The following CDH9 variants were observed in gnomAD, a reference collection of about 807,000 sequenced individuals.
CDH9 encodes cadherin 9.
A neutral mutation model predicts 70.9 loss-of-function variants in CDH9; 28 were observed. That is an observed-to-expected ratio of 0.40 (90% confidence interval 0.29 to 0.54). CDH9 has a LOEUF of 0.54. Among genes scored for constraint, CDH9 ranks in the 20% least tolerant of loss-of-function variants. The probability of loss-of-function intolerance (pLI) is 0.59; values close to 1 mark genes in which losing one functional copy is unlikely to be tolerated. For synonymous variants in CDH9, 409 were observed against 343.1 expected (o/e 1.19, Z -2.12); for missense variants, 874 against 984.4 (o/e 0.89, Z 1.50).
chr5:26,919,810 T>G (rs571511139), intron 2 of CDH9, among the ~76,000 whole-genome samples: 2 of 152,054 alleles, frequency 1.3e-5, no homozygotes, highest in South Asian at 4.1e-4. Context: ...CTACTATCCT[T>G]AAGGGAAGAA....
chr5:26,996,260 A>C (rs1206710830), intron 1 of CDH9, among the ~76,000 whole-genome samples: 1 of 152,044 alleles, frequency 6.6e-6, no homozygotes, highest in Non-Finnish European at 1.5e-5. Flanking sequence ...AATGAACTTC[A>C]ACATACATTA....
At chr5:27,004,428 T>G (rs1422362471) in intron 1 of CDH9, among the ~76,000 whole-genome samples, 2 of 152,062 alleles carry the variant, frequency 1.3e-5, no homozygotes, top group African/African-American at 4.8e-5. Context: ...CTAAATCACA[T>G]AAGGATTTGT....
intron 2 of CDH9, among the ~76,000 whole-genome samples, chr5:26,925,553 A>G (rs1741322340): frequency 6.6e-6 from 1 of 152,100 alleles, no homozygotes; most frequent in Admixed American, 6.6e-5. Flanking sequence ...TTTTAGTTTA[A>G]TTAGATCCCA....
chr5:26,918,429 A>T (rs1741186058), intron 2 of CDH9, among the ~76,000 whole-genome samples: 1 of 152,232 alleles, frequency 6.6e-6, no homozygotes, highest in Admixed American at 6.5e-5. Context: ...AAACTGTAAA[A>T]TACATAAGGG....
At chr5:26,884,071 A>G (rs1434933258) in intron 11 of CDH9, among the ~76,000 whole-genome samples, 1 of 152,106 alleles carries the variant, frequency 6.6e-6, no homozygotes, top group African/African-American at 2.4e-5. Context: ...AATTTTAACT[A>G]CAATAATAAA....
At chr5:26,976,240 A>G (rs1363552297) in intron 2 of CDH9, among the ~76,000 whole-genome samples, 3 of 152,196 alleles carry the variant, frequency 2.0e-5, no homozygotes, top group African/African-American at 7.2e-5. Context: ...CTACCTTAAC[A>G]TAAACTCTAT....
chr5:26,890,216 C>T (rs1367746013), intron 8 of CDH9, among the ~76,000 whole-genome samples: 1 of 152,032 alleles, frequency 6.6e-6, no homozygotes, highest in Non-Finnish European at 1.5e-5. Context: ...ATATTTCTCT[C>T]CTATATAAGG....
rs999748155 is a variant in CDH9, at chr5:26,915,746, C to G, written c.407G>C (p.Gly136Ala). The part of the protein sequence containing the change: ...LRAKAIDRKT[G>A]RQVEPESEFI... ...TTCCGATTCCGGTTCCACCTGCCGCCCAGTTTTTCTGTCTATAGCCTTGGC... is the reference window on the plus strand; with the variant it reads ...TTCCGATTCCGGTTCCACCTGCCGCGCAGTTTTTCTGTCTATAGCCTTGGC... Residue 136 changes from glycine to alanine, a missense_variant, in exon 3 of 12, where the codon GGG (glycine) becomes GCG (alanine). By Grantham distance (60) the Gly-to-Ala change is moderately conservative. Coordinates refer to ENST00000231021, the MANE Select transcript of CDH9 (RefSeq NM_016279.4). The G allele has an allele frequency of 6.2e-7, 1 of 1,613,590 alleles. No individual in the cohort carries two copies. Among genetic ancestry groups the G allele is most frequent in the Non-Finnish European group, 8.5e-7 (1 of 1,179,620 alleles).
intron 1 of CDH9, among the ~76,000 whole-genome samples, chr5:26,990,193 T>C (rs750418834): frequency 3.3e-5 from 5 of 152,152 alleles, no homozygotes; most frequent in African/African-American, 4.8e-5. Context: ...TCGTTGCTCA[T>C]ATTATAGGCA....
chr5:27,035,902 T>A (rs1316208613), intron 1 of CDH9, among the ~76,000 whole-genome samples: 1 of 151,854 alleles, frequency 6.6e-6, no homozygotes, highest in Non-Finnish European at 1.5e-5. Flanking sequence ...TGCATTAATA[T>A]TGAATAATTA....
At chr5:27,037,892 G>T (rs1743421299) in intron 1 of CDH9, among the ~76,000 whole-genome samples, 1 of 151,900 alleles carries the variant, frequency 6.6e-6, no homozygotes, top group African/African-American at 2.4e-5. Context: ...CAGGTAAAGT[G>T]ATCACCTTAA....
intron 2 of CDH9, among the ~76,000 whole-genome samples, chr5:26,951,945 A>ATTTTAT (rs1741852415): frequency 3.4e-5 from 4 of 119,272 alleles, no homozygotes; most frequent in Admixed American, 1.8e-4. Flanking sequence ...TCATGTTAAA[A>ATTTTAT]TTTATTTTAT....
intron 2 of CDH9, among the ~76,000 whole-genome samples, chr5:26,953,716 AAGTTC>A (rs1741892586): frequency 1.3e-5 from 2 of 152,074 alleles, no homozygotes; most frequent in Non-Finnish European, 2.9e-5. Flanking sequence ...ATCCATCAGA[AAGTTC>A]TGTATCTTAA....
intron 1 of CDH9, among the ~76,000 whole-genome samples, chr5:27,032,983 C>T (rs1231305786): frequency 6.6e-6 from 1 of 150,848 alleles, no homozygotes; most frequent in Non-Finnish European, 1.5e-5. Flanking sequence ...TTATATATTT[C>T]TCATCCACTG....
At chr5:26,957,678 T>C (rs1283477477) in intron 2 of CDH9, among the ~76,000 whole-genome samples, 1 of 152,052 alleles carries the variant, frequency 6.6e-6, no homozygotes, top group African/African-American at 2.4e-5. Flanking sequence ...AATCTTTATT[T>C]CTTGTTGAAT....
intron 2 of CDH9, among the ~76,000 whole-genome samples, chr5:26,982,690 G>GT (rs1168387640): frequency 4.0e-5 from 6 of 151,488 alleles, no homozygotes; most frequent in Non-Finnish European, 5.9e-5. Context: ...TTGTTTTTTT[G>GT]TTTTTTTGTT....
intron 1 of CDH9, among the ~76,000 whole-genome samples, chr5:26,988,609 A>G (rs1435246776): frequency 6.6e-6 from 1 of 152,016 alleles, no homozygotes; most frequent in Non-Finnish European, 1.5e-5. Flanking sequence ...CAGCTAATTT[A>G]AAATTACTAT....
At chr5:26,953,605 G>T (rs2112050800) in intron 2 of CDH9, among the ~76,000 whole-genome samples, 1 of 152,184 alleles carries the variant, frequency 6.6e-6, no homozygotes, top group East Asian at 1.9e-4. Flanking sequence ...AATGTCAAAT[G>T]AGCCATTTAA....
intron 2 of CDH9, among the ~76,000 whole-genome samples, chr5:26,971,310 G>T (rs1742215451): frequency 6.6e-6 from 1 of 152,200 alleles, no homozygotes; most frequent in East Asian, 1.9e-4. Context: ...TACAAACGAA[G>T]GTTTTAGCCT....
Sources: gnomAD v4.1 joint callset for allele counts (sites outside exome capture counted in the v4.1 genomes callset) on GRCh38, gnomAD v4.1.1 for gene constraint, MANE v1.5 for transcripts, NCBI Gene and HGNC (gene_info 2026-07-23, HGNC 2026-07-21) for gene names.